Variants in SYK observed in about 807,000 individuals in gnomAD.
The protein encoded by SYK is tyrosine-protein kinase SYK.
Under a neutral mutation model 77.8 loss-of-function variants are expected in SYK, and 16 were observed. The observed-to-expected ratio is 0.21, with a 90% CI of 0.14 to 0.31. The LOEUF (loss-of-function observed/expected upper bound fraction) is 0.31, where lower values mean the gene tolerates loss of function less well. Among genes scored for constraint, SYK ranks in the 10% least tolerant of loss-of-function variants. The pLI, the probability that SYK is intolerant of heterozygous loss-of-function variation, is 1.00. For missense variants in SYK, 529 were observed against 814.4 expected, an observed-to-expected ratio of 0.65 and a Z score of 4.26; for synonymous variants, 312 against 308.7, an observed-to-expected ratio of 1.01 and a Z score of -0.11.
At chr9:90,862,473 T>C (rs914928) in intron 4 of SYK, 129 bp downstream of exon 4, 883,741 of 1,126,916 alleles carry the variant, frequency 0.78, 349,340 homozygotes, top group East Asian at 0.94. Flanking sequence ...AGGCCAGCAG[T>C]AGCTCTGGAG....
At position 90,865,311 on chromosome 9, in the gene SYK, C is replaced by CT. The variant is rs372346771; in HGVS notation, c.846+225dup. Among the ~76,000 whole-genome samples, 626 of 144,974 alleles carry CT rather than the reference C, an allele frequency of 4.3e-3. 1 individual carries two copies. Among genetic ancestry groups the CT allele is most frequent in the Admixed American group, 7.6e-3 (110 of 14,396 alleles). On this transcript the variant is annotated intron_variant, in intron 6 of 13. Coordinates refer to ENST00000375754, the MANE Select transcript of SYK (RefSeq NM_003177.7). ...CATTTTCTTTTCTTTTTTTCTTTTGCTTTTTTTTTTTGGAGATGGAGTGTC... is the reference window on the plus strand; with the variant it reads ...CATTTTCTTTTCTTTTTTTCTTTTGCTTTTTTTTTTTTGGAGATGGAGTGTC...
intron 1 of SYK, among the ~76,000 whole-genome samples, chr9:90,837,057 T>TAACATAA (rs1564082483): frequency 1.1e-3 from 163 of 152,260 alleles, no homozygotes; most frequent in African/African-American, 3.7e-3. Context: ...AAAATATGTG[T>TAACATAA]TAATCAGTTA....
In SYK at chr9:90,896,650, G is replaced by A. The variant is rs950034850; in HGVS notation, c.*1050G>A. 2 of 232,600 alleles carry A rather than the reference G, an allele frequency of 8.6e-6. No homozygotes were observed. Among genetic ancestry groups the A allele is most frequent in the Admixed American group, 1.1e-4 (2 of 17,764 alleles). The allele number at this position is 232,600 out of a possible 1,614,324, so 14.4% of individuals were successfully genotyped here. ...GCCTTTTGGAGTGTGAATTTGAGTTGAAGATACAAGATCGGAGAATGATTT... is the reference window on the plus strand; with the variant it reads ...GCCTTTTGGAGTGTGAATTTGAGTTAAAGATACAAGATCGGAGAATGATTT... On this transcript the variant is annotated 3_prime_UTR_variant, in exon 14 of 14. Transcript: ENST00000375754.
chr9:90,896,480 T>G lies in SYK; in HGVS notation c.*880T>G. On this transcript the variant is annotated 3_prime_UTR_variant, in exon 14 of 14. Transcript: ENST00000375754. ...GAACGTGGTCCACACCTTCCTCTCC[T>G]CCACAGAGAGGGTGCCGCCAGAATC... The G allele has an allele frequency of 4.3e-6, 1 of 233,134 alleles. No homozygotes were observed. The highest frequency in any genetic ancestry group is 8.5e-6 in the Non-Finnish European group (1 of 117,954). 14.4% of individuals were successfully genotyped at this position (233,134 alleles called of 1,614,324 possible). A position where few individuals can be genotyped will look rare whatever the true frequency, so the allele number is the denominator to read the frequency against.
chr9:90,849,277 A>G (rs907072763), intron 3 of SYK, among the ~76,000 whole-genome samples: 2 of 152,074 alleles, frequency 1.3e-5, no homozygotes, highest in Admixed American at 6.5e-5. Context: ...CAGGGCCTTC[A>G]CTTTCTCATG....
chr9:90,897,594 T>C lies in SYK; in HGVS notation c.*1994T>C, dbSNP rs201768739. The C allele has an allele frequency of 3.5e-5, 8 of 228,978 alleles. No individual in the cohort carries two copies. Among genetic ancestry groups the C allele is most frequent in the Admixed American group, 5.7e-5 (1 of 17,676 alleles). 14.2% of individuals were successfully genotyped at this position (228,978 alleles called of 1,614,324 possible). A position where few individuals can be genotyped will look rare whatever the true frequency, so the allele number is the denominator to read the frequency against. ...GCTCGTAGGAATACGGTAGCACCTA[T>C]GTAGGAAGTGCGTGGAGTTTTCTGT... On this transcript the variant is annotated 3_prime_UTR_variant, in exon 14 of 14. Transcript: ENST00000375754.
At chr9:90,830,806 C>T (rs996665272) in intron 1 of SYK, among the ~76,000 whole-genome samples, 1 of 151,990 alleles carries the variant, frequency 6.6e-6, no homozygotes, top group Non-Finnish European at 1.5e-5. Context: ...AGGATGGTCT[C>T]AATCTCCTGA....
chr9:90,886,868 G>A (rs1043742781), intron 11 of SYK, among the ~76,000 whole-genome samples: 1 of 152,122 alleles, frequency 6.6e-6, no homozygotes, highest in African/African-American at 2.4e-5. Context: ...CAAAGATGTG[G>A]AATCAACCTA....
In SYK at chr9:90,862,253, A is replaced by T; in HGVS notation, c.626A>T (p.His209Leu). The T allele has an allele frequency of 6.2e-7, 1 of 1,614,038 alleles. No individual in the cohort carries two copies. Among genetic ancestry groups the T allele is most frequent in the Non-Finnish European group, 8.5e-7 (1 of 1,179,936 alleles). ...NNGSYALCLL[H>L]EGKVLHYRID... ...GGCTCCTACGCCCTGTGCCTGCTGC[A>T]CGAAGGGAAGGTGCTGCACTATCGC... is the stretch of plus-strand genomic sequence containing the variant. Residue 209 changes from histidine to leucine, a missense_variant, in exon 4 of 14, where the codon CAC becomes CTC. By Grantham distance (99) the His-to-Leu change is moderately conservative (BLOSUM62 -3). This residue lies in a region of SYK where 321 missense variants were observed against 433.1 expected (regional missense o/e 0.74). Coordinates refer to ENST00000375754, the MANE Select transcript of SYK (RefSeq NM_003177.7).
At chr9:90,892,925 A>C (rs956198040) in intron 13 of SYK, among the ~76,000 whole-genome samples, 10 of 152,130 alleles carry the variant, frequency 6.6e-5, no homozygotes, top group African/African-American at 2.2e-4. Context: ...AATTCCCAGG[A>C]CCTTGGTGAG....
chr9:90,878,881 T>C lies in SYK; in HGVS notation c.1509T>C (p.Val503=), dbSNP rs1276754043. Residue 503 remains valine (V), a synonymous_variant, in exon 11 of 14, where the codon GTT becomes GTC. Coordinates refer to ENST00000375754, the MANE Select transcript of SYK (RefSeq NM_003177.7). ...TGGCTGCAAGAAATGTGTTGCTAGT[T>C]ACCCAACATTACGCCAAGATCAGTG... ...RDLAARNVLL[V]TQHYAKISDF... 4 of 1,614,046 alleles carry C rather than the reference T, an allele frequency of 2.5e-6. No individual in the cohort carries two copies. The highest frequency in any genetic ancestry group is 2.7e-5 in the African/African-American group (2 of 74,936).
intron 3 of SYK, 143 bp downstream of exon 3, chr9:90,845,737 T>C (rs1250038762): frequency 2.1e-6 from 2 of 945,210 alleles, no homozygotes; most frequent in Non-Finnish European, 3.1e-6. Flanking sequence ...TGCTGGCCTG[T>C]TCTAAAGACA....
At chr9:90,805,185 G>T (rs1317587349) in intron 1 of SYK, among the ~76,000 whole-genome samples, 1 of 152,214 alleles carries the variant, frequency 6.6e-6, no homozygotes. Flanking sequence ...GGCAGATGGT[G>T]GTGGAGCAAG....
At chr9:90,858,897 G>A (rs1357334083) in intron 3 of SYK, among the ~76,000 whole-genome samples, 1 of 152,162 alleles carries the variant, frequency 6.6e-6, no homozygotes, top group Non-Finnish European at 1.5e-5. Context: ...GACTGGCCAG[G>A]GCTGCTTGGT....
At chr9:90,802,778 C>T (rs1035048330) in intron 1 of SYK, among the ~76,000 whole-genome samples, 1 of 107,888 alleles carries the variant, frequency 9.3e-6, no homozygotes, top group African/African-American at 3.7e-5. Flanking sequence ...AAGATTCAGT[C>T]GAACTCAAGT....
At chr9:90,834,531 C>T (rs1188623334) in intron 1 of SYK, among the ~76,000 whole-genome samples, 1 of 152,176 alleles carries the variant, frequency 6.6e-6, no homozygotes, top group African/African-American at 2.4e-5. Context: ...GTGGAACCAC[C>T]TCCACGGGGT....
intron 9 of SYK, among the ~76,000 whole-genome samples, chr9:90,876,319 AAAG>A (rs1406724868): frequency 4.0e-5 from 6 of 149,810 alleles, no homozygotes; most frequent in African/African-American, 1.5e-4. Context: ...AAGAAAGAAA[AAAG>A]AAATGCTTGC....
At chr9:90,874,387 T>C in intron 8 of SYK, 96 bp downstream of exon 8, 1 of 1,235,198 alleles carries the variant, frequency 8.1e-7, no homozygotes, top group Non-Finnish European at 1.2e-6. Flanking sequence ...ACCACGTCCG[T>C]GATTGCAATA....
At chr9:90,839,915 T>C (rs1433518123) in intron 1 of SYK, among the ~76,000 whole-genome samples, 1 of 151,970 alleles carries the variant, frequency 6.6e-6, no homozygotes, top group Non-Finnish European at 1.5e-5. Context: ...CCCGGTGCAG[T>C]CCAGTGTGGT....
Sources: allele counts gnomAD v4.1 joint callset (sites outside exome capture counted in the v4.1 genomes callset), GRCh38; gene constraint gnomAD v4.1.1; regional missense constraint gnomAD v4.1.1; transcripts MANE v1.5; gene names NCBI Gene and HGNC (gene_info 2026-07-23, HGNC 2026-07-21).